The following CMSS1 variants were observed in gnomAD, a reference collection of about 807,000 sequenced individuals.
CMSS1 encodes cms1 ribosomal small subunit homolog.
CMSS1 carries 33 observed loss-of-function variants against 43.5 expected under a neutral mutation model. That is an observed-to-expected ratio of 0.76 (90% CI 0.57 to 1.01). The LOEUF (loss-of-function observed/expected upper bound fraction) is 1.01, where lower values mean the gene tolerates loss of function less well. Ranked by LOEUF, CMSS1 falls within the 50% of genes least tolerant of loss-of-function variation. The pLI, the probability that CMSS1 is intolerant of heterozygous loss-of-function variation, is 0.00. For missense variants in CMSS1, 313 were observed against 326.4 expected (o/e 0.96, Z 0.32); for synonymous variants, 115 against 117.2 (o/e 0.98, Z 0.12).
At chr3:99,998,482 A>AT (rs1709746147) in intron 1 of CMSS1, among the ~76,000 whole-genome samples, 1 of 152,174 alleles carries the variant, frequency 6.6e-6, no homozygotes, top group Non-Finnish European at 1.5e-5. Context: ...ACCAAGCACA[A>AT]TTTGGTAAAG....
At chr3:99,846,049 T>G (rs1943350240) in intron 1 of CMSS1, among the ~76,000 whole-genome samples, 1 of 152,234 alleles carries the variant, frequency 6.6e-6, no homozygotes, top group South Asian at 2.1e-4. Flanking sequence ...GTAGCTCACA[T>G]AAGAAATTGA....
chr3:99,846,641 A>T (rs1233199337), intron 1 of CMSS1, among the ~76,000 whole-genome samples: 1 of 152,224 alleles, frequency 6.6e-6, no homozygotes, highest in African/African-American at 2.4e-5. Context: ...TTTAATGATG[A>T]TGCAAGCCCA....
chr3:100,002,310 T>A (rs1040234132), intron 1 of CMSS1, among the ~76,000 whole-genome samples: 1 of 152,234 alleles, frequency 6.6e-6, no homozygotes, highest in South Asian at 2.1e-4. Flanking sequence ...AAACTTCTTG[T>A]TGTTCAAAAC....
intron 1 of CMSS1, among the ~76,000 whole-genome samples, chr3:100,120,935 C>T (rs576425254): frequency 2.0e-5 from 3 of 152,126 alleles, no homozygotes; most frequent in Non-Finnish European, 2.9e-5. Flanking sequence ...GCAGCTGCCC[C>T]GTGCCTTAAG....
chr3:99,962,664 G>A (rs1000229950), intron 1 of CMSS1, among the ~76,000 whole-genome samples: 3 of 152,156 alleles, frequency 2.0e-5, no homozygotes, highest in African/African-American at 7.2e-5. Flanking sequence ...TAGCACTGTA[G>A]GCCTGGTCCT....
intron 9 of CMSS1, 29 bp from the exon 10 acceptor site, chr3:100,178,276 C>A (rs375961269): frequency 4.8e-5 from 71 of 1,478,746 alleles, no homozygotes; most frequent in Non-Finnish European, 6.4e-5. Context: ...TGATCTTAAT[C>A]TTTTTTTCCC....
At chr3:99,882,042 T>A (rs1486134681) in intron 1 of CMSS1, among the ~76,000 whole-genome samples, 1 of 152,172 alleles carries the variant, frequency 6.6e-6, no homozygotes, top group African/African-American at 2.4e-5. Flanking sequence ...GTTAGGTAAA[T>A]TGGATTTATA....
chr3:100,055,800 T>A (rs970719790), intron 1 of CMSS1, among the ~76,000 whole-genome samples: 21 of 152,244 alleles, frequency 1.4e-4, no homozygotes, highest in African/African-American at 4.6e-4. Context: ...AGAAATTTTT[T>A]AATATTGTAC....
chr3:99,876,210 A>G, intron 1 of CMSS1: 1 of 985,382 alleles, frequency 1.0e-6, no homozygotes, highest in Admixed American at 6.1e-5. Flanking sequence ...TATGGGCGTT[A>G]CGTCACTGTT....
chr3:100,106,046 G>A (rs1287088859), intron 1 of CMSS1, among the ~76,000 whole-genome samples: 1 of 152,034 alleles, frequency 6.6e-6, no homozygotes, highest in African/African-American at 2.4e-5. Context: ...ACCTCCTAGG[G>A]GTTTCAATTA....
intron 1 of CMSS1, among the ~76,000 whole-genome samples, chr3:100,014,438 A>G (rs544732713): frequency 2.0e-5 from 3 of 152,086 alleles, no homozygotes; most frequent in Admixed American, 1.3e-4. Context: ...TGTAATAGCT[A>G]TTATAATTTA....
intron 1 of CMSS1, among the ~76,000 whole-genome samples, chr3:99,901,683 T>C (rs1706442831): frequency 6.6e-6 from 1 of 152,352 alleles, no homozygotes; most frequent in East Asian, 1.9e-4. Flanking sequence ...TCAAGTTGTG[T>C]AACTCTACTC....
chr3:99,826,878 G>T (rs1393309298), intron 1 of CMSS1, among the ~76,000 whole-genome samples: 1 of 152,120 alleles, frequency 6.6e-6, no homozygotes. Context: ...AATTGGATTT[G>T]TTTTCACTCA....
intron 1 of CMSS1, among the ~76,000 whole-genome samples, chr3:99,837,451 A>C (rs958717539): frequency 2.0e-5 from 3 of 151,984 alleles, no homozygotes; most frequent in Admixed American, 1.3e-4. Flanking sequence ...AAAAAAAAAA[A>C]CAGCCAAACC....
At chr3:100,031,247 G>T (rs1354468010) in intron 1 of CMSS1, among the ~76,000 whole-genome samples, 3 of 152,086 alleles carry the variant, frequency 2.0e-5, no homozygotes, top group Non-Finnish European at 4.4e-5. Context: ...TGGAAATCAG[G>T]ATGAGCTATT....
chr3:100,139,613 GTATATATATATA>G (rs71132513), intron 1 of CMSS1, among the ~76,000 whole-genome samples: 1 of 83,618 alleles, frequency 1.2e-5, no homozygotes, highest in African/African-American at 5.6e-5. Flanking sequence ...ATGTGTGTGT[GTATATATATATA>G]TATATACACA....
At chr3:99,975,136 A>C (rs551235454) in intron 1 of CMSS1, among the ~76,000 whole-genome samples, 2 of 152,328 alleles carry the variant, frequency 1.3e-5, no homozygotes, top group African/African-American at 4.8e-5. Flanking sequence ...CAGGCATTCA[A>C]CTTCCACCTG....
rs181461226 is a variant in CMSS1, at chr3:100,172,893, G to A, written c.667+490G>A. ...TATTCTAGACAACATCCACTGGTGG[G>A]TTTTTATAGTTTGCCAACTTTCTCA... On this transcript the variant is annotated intron_variant, in intron 8 of 9. Coordinates refer to ENST00000421999, the MANE Select transcript of CMSS1 (RefSeq NM_032359.4). Among the ~76,000 whole-genome samples the A allele has an allele frequency of 6.0e-4, 91 of 152,290 alleles. 1 individual carries two copies. The East Asian group carries it at 0.016, about 26-fold the overall frequency.
intron 1 of CMSS1, among the ~76,000 whole-genome samples, chr3:99,919,194 A>T (rs1707047749): frequency 6.6e-6 from 1 of 152,054 alleles, no homozygotes; most frequent in African/African-American, 2.4e-5. Flanking sequence ...CTTTAGTTTA[A>T]TGTGTTTATT....
Sources: allele counts gnomAD v4.1 joint callset (sites outside exome capture counted in the v4.1 genomes callset), GRCh38; gene constraint gnomAD v4.1.1; transcripts MANE v1.5; gene names NCBI Gene and HGNC (gene_info 2026-07-23, HGNC 2026-07-21).